CUBN: variants seen among roughly 807,000 people sequenced by gnomAD.
The protein encoded by CUBN is cubilin.
A neutral mutation model predicts 405.3 loss-of-function variants in CUBN; 282 were observed. The observed-to-expected ratio is 0.70, with a 90% CI of 0.63 to 0.77. The LOEUF is 0.77. Ranked by LOEUF, CUBN falls within the 30% of genes least tolerant of loss-of-function variation. The pLI is 0.00. For synonymous variants in CUBN, 1,684 were observed against 1,617.0 expected, an observed-to-expected ratio of 1.04 and a Z score of -0.99; for missense variants, 4,514 against 4,475.2, an observed-to-expected ratio of 1.01 and a Z score of -0.25.
At chr10:16,931,732 A>G (rs1303643968) in intron 40 of CUBN, among the ~76,000 whole-genome samples, 1 of 152,222 alleles carries the variant, frequency 6.6e-6, no homozygotes, top group Non-Finnish European at 1.5e-5. Flanking sequence ...ACGGGTTTGG[A>G]GCCACTTTGT....
At position 16,869,578 on chromosome 10, in the gene CUBN, A is replaced by G. The variant is rs534328786; in HGVS notation, c.9454+58T>C. ...GGGGTGGGGGGGGGGCGGGGAAATT[A>G]AATAAAGCAGAAAGGTAACAGTCCT... On this transcript the variant is annotated intron_variant, in intron 59 of 66. Coordinates refer to ENST00000377833, the MANE Select transcript of CUBN (RefSeq NM_001081.4). 2.4e-5 allele frequency: 29 copies of G among 1,230,610 alleles called. No homozygotes were observed. The East Asian group carries it at 6.7e-4, about 29-fold the overall frequency. The allele number at this position is 1,230,610 out of a possible 1,614,324, so 76.2% of individuals were successfully genotyped here. A position where few individuals can be genotyped will look rare whatever the true frequency, so the allele number is the denominator to read the frequency against.
At position 16,944,801 on chromosome 10, in the gene CUBN, T is replaced by G. The variant is rs114477597; in HGVS notation, c.5342+2434A>C. Among the ~76,000 whole-genome samples, 135 of 152,364 alleles carry G rather than the reference T, an allele frequency of 8.9e-4. 1 individual carries two copies. The highest frequency in any genetic ancestry group is 3.4e-3 in the Middle Eastern group (1 of 294). On this transcript the variant is annotated intron_variant, in intron 36 of 66. Coordinates refer to ENST00000377833, the MANE Select transcript of CUBN (RefSeq NM_001081.4). Reference sequence around the variant, plus strand: ...ATAGATGAAACTTGCTTTCTGTGTGTGTAATCTCCCATCCTCTGGAAGGAG... The same window carrying G: ...ATAGATGAAACTTGCTTTCTGTGTGGGTAATCTCCCATCCTCTGGAAGGAG...
chr10:16,914,034 A>C, intron 47 of CUBN, 42 bp from the exon 48 acceptor site: 1 of 1,603,484 alleles, frequency 6.2e-7, no homozygotes, highest in Non-Finnish European at 8.5e-7. Flanking sequence ...AATCAAATCA[A>C]AATGTTTCCT....
chr10:16,898,860 T>C (rs748657962), intron 54 of CUBN, 136 bp downstream of exon 54: 9 of 713,020 alleles, frequency 1.3e-5, no homozygotes, highest in Non-Finnish European at 2.3e-5. Flanking sequence ...TTGAGGTTTC[T>C]CACTTTCTCA....
intron 28 of CUBN, among the ~76,000 whole-genome samples, chr10:17,018,197 G>A (rs986874149): frequency 5.9e-5 from 9 of 152,106 alleles, no homozygotes; most frequent in East Asian, 1.9e-4. Flanking sequence ...AGAGGTGCCC[G>A]GTATATAGCC....
chr10:16,880,213 AT>A (rs1294219055), intron 56 of CUBN, among the ~76,000 whole-genome samples: 1 of 152,108 alleles, frequency 6.6e-6, no homozygotes, highest in Non-Finnish European at 1.5e-5. Context: ...TATGGTAGAT[AT>A]TTTCATGATT....
intron 64 of CUBN, among the ~76,000 whole-genome samples, chr10:16,832,430 C>A (rs1839034960): frequency 6.6e-6 from 1 of 152,140 alleles, no homozygotes; most frequent in Admixed American, 6.5e-5. Context: ...GATGTAGTAG[C>A]CCATGGGAGA....
intron 48 of CUBN, 141 bp downstream of exon 48, chr10:16,913,670 T>C (rs1841796069): frequency 1.0e-6 from 1 of 960,088 alleles, no homozygotes; most frequent in Non-Finnish European, 1.6e-6. Context: ...GATTTTGTTC[T>C]TTCAACAATA....
At chr10:17,049,311 C>T (rs910564199) in intron 22 of CUBN, among the ~76,000 whole-genome samples, 1 of 152,150 alleles carries the variant, frequency 6.6e-6, no homozygotes, top group Non-Finnish European at 1.5e-5. Context: ...ACTCATTGAC[C>T]CACACACAGA....
intron 58 of CUBN, 140 bp from the exon 59 acceptor site, chr10:16,869,993 T>C: frequency 5.5e-6 from 4 of 721,602 alleles, no homozygotes; most frequent in South Asian, 4.7e-5. Flanking sequence ...ATATTAGAAA[T>C]CAAACAGTAC....
At chr10:17,018,287 C>G (rs1458496929) in intron 28 of CUBN, among the ~76,000 whole-genome samples, 1 of 152,180 alleles carries the variant, frequency 6.6e-6, no homozygotes, top group African/African-American at 2.4e-5. Context: ...ATTGTCCCAT[C>G]TGGGTCACCA....
At chr10:16,881,744 C>T (rs1375444511) in intron 56 of CUBN, among the ~76,000 whole-genome samples, 1 of 152,004 alleles carries the variant, frequency 6.6e-6, no homozygotes, top group Non-Finnish European at 1.5e-5. Flanking sequence ...CAAACATGTA[C>T]ATAATATTAG....
chr10:16,915,791 C>G, intron 46 of CUBN, 30 bp downstream of exon 46: 2 of 1,569,400 alleles, frequency 1.3e-6, no homozygotes, highest in Non-Finnish European at 1.8e-6. Flanking sequence ...AAAATAAACA[C>G]CCAAAAGAGA....
chr10:16,867,030 T>A (rs1840206612), intron 59 of CUBN, among the ~76,000 whole-genome samples: 1 of 152,192 alleles, frequency 6.6e-6, no homozygotes, highest in African/African-American at 2.4e-5. Flanking sequence ...CAGATGTACA[T>A]AAAACATTGC....
intron 58 of CUBN, among the ~76,000 whole-genome samples, chr10:16,871,162 G>A (rs547985023): frequency 2.6e-5 from 4 of 151,348 alleles, no homozygotes; most frequent in East Asian, 1.9e-4. Flanking sequence ...CGAGTAGCTG[G>A]GATTACAGGT....
At chr10:17,002,675 A>G (rs191181847) in intron 28 of CUBN, among the ~76,000 whole-genome samples, 11 of 152,182 alleles carry the variant, frequency 7.2e-5, no homozygotes, top group African/African-American at 2.7e-4. Flanking sequence ...TTTTCCACTC[A>G]TTCTGAAAGG....
intron 25 of CUBN, among the ~76,000 whole-genome samples, chr10:17,044,374 ATAAAT>A: frequency 6.6e-6 from 1 of 150,496 alleles, no homozygotes; most frequent in Admixed American, 6.6e-5. Context: ...AAATAACCTT[ATAAAT>A]TATATTTAGG....
At chr10:16,950,193 G>A (rs1842891942) in intron 33 of CUBN, 82 bp from the exon 34 acceptor site, 10 of 920,796 alleles carry the variant, frequency 1.1e-5, no homozygotes, top group African/African-American at 1.6e-5. Context: ...GGGGAGGTGG[G>A]GATGGTTAAT....
chr10:16,915,951 G>C lies in CUBN; in HGVS notation c.7080C>G (p.Asn2360Lys), dbSNP rs781309132. Residue 2360 changes from asparagine to lysine, a missense_variant, in exon 46 of 67, where the codon AAC (asparagine) becomes AAG (lysine). Transcript: ENST00000377833. ...CCTGGAGATGCCACTCACAGAATAA[G>C]TTGTCTCTGTATGGAAGTGTTGGAT... ...IGHPTLPYRD[N>K]LFCEWHLQGL... is the part of the protein sequence containing the mutation. 2 of 1,614,142 alleles carry C rather than the reference G, an allele frequency of 1.2e-6. No individual in the cohort carries two copies. Among genetic ancestry groups the C allele is most frequent in the Non-Finnish European group, 1.7e-6 (2 of 1,180,014 alleles).
Sources: gnomAD v4.1 joint callset for allele counts (sites outside exome capture counted in the v4.1 genomes callset) on GRCh38, gnomAD v4.1.1 for gene constraint, MANE v1.5 for transcripts, NCBI Gene and HGNC (gene_info 2026-07-23, HGNC 2026-07-21) for gene names.